Variants in BANF2 observed in about 807,000 individuals in gnomAD.
BANF2 encodes BANF family member 2.
A neutral mutation model predicts 8.0 loss-of-function variants in BANF2; 4 were observed. The ratio of observed to expected loss-of-function variants is 0.50; its 90% CI spans 0.25 to 1.14. The LOEUF (loss-of-function observed/expected upper bound fraction) is 1.14. BANF2 is among the 50% of genes most tolerant of loss of function. BANF2 has a pLI of 0.16. For missense variants in BANF2, 96 were observed against 107.5 expected (o/e 0.89, Z 0.47); for synonymous variants, 50 against 40.6 (o/e 1.23, Z -0.88).
In BANF2 at chr20:17,732,407, C is replaced by A. The variant is rs138283284; in HGVS notation, c.127-3258C>A. ...TTCGAGACAGAGTCTCACTCTGTTG[C>A]CCAGGCTGGAGTGCAGTGGCATAAT... On this transcript the variant is annotated intron_variant, in intron 3 of 3. Transcript: ENST00000246090. Among the ~76,000 whole-genome samples the A allele has an allele frequency of 1.5e-3, 232 of 152,356 alleles. 4 individuals are homozygous for A. Among genetic ancestry groups the A allele is most frequent in the African/African-American group, 5.3e-3 (221 of 41,602 alleles).
chr20:17,696,534 G>A (rs2037347276), upstream of BANF2, among the ~76,000 whole-genome samples: 1 of 152,094 alleles, frequency 6.6e-6, no homozygotes, highest in Non-Finnish European at 1.5e-5. Context: ...GTTTTAATTT[G>A]CATTTACCTT....
chr20:17,704,737 A>G (rs760015624), intron 1 of BANF2, among the ~76,000 whole-genome samples: 43 of 152,188 alleles, frequency 2.8e-4, no homozygotes, highest in Non-Finnish European at 4.9e-4. Flanking sequence ...CTAAACTCAA[A>G]CTAGTTAAAA....
intron 1 of BANF2, among the ~76,000 whole-genome samples, chr20:17,714,210 A>G (rs1568811994): frequency 1.3e-5 from 2 of 148,976 alleles, no homozygotes; most frequent in Non-Finnish European, 1.5e-5. Context: ...AAAAAAAAAA[A>G]AAAAGAAAGA....
chr20:17,720,890 C>G lies in BANF2; in HGVS notation c.-166-1826C>G, dbSNP rs112286513. ...GCTGGTGGAAGTGAGGTCTGTGGGC[C>G]AGCAGTGTCACATCTGCTTGGAGCT... is the stretch of plus-strand genomic sequence containing the variant. On this transcript the variant is annotated intron_variant, in intron 1 of 3. Coordinates refer to ENST00000246090, the MANE Select transcript of BANF2 (RefSeq NM_178477.5). 4.0e-3 allele frequency among the ~76,000 whole-genome samples: 612 copies of G among 152,278 alleles called. 4 individuals carry two copies. Among genetic ancestry groups the G allele is most frequent in the African/African-American group, 0.014 (581 of 41,556 alleles).
chr20:17,700,850 C>A (rs1246479591), intron 1 of BANF2, among the ~76,000 whole-genome samples: 1 of 152,214 alleles, frequency 6.6e-6, no homozygotes, highest in Non-Finnish European at 1.5e-5. Context: ...GCCTTCCCTA[C>A]CATGGCCCAT....
rs1405068814 is a variant in BANF2, at chr20:17,701,196, A to G, written c.-167+1141A>G. Among the ~76,000 whole-genome samples the G allele has an allele frequency of 3.3e-5, 5 of 152,168 alleles. No individual in the cohort carries two copies. The South Asian group carries it at 8.3e-4, about 25-fold the overall frequency. On this transcript the variant is annotated intron_variant, in intron 1 of 3. Coordinates refer to ENST00000246090, the MANE Select transcript of BANF2 (RefSeq NM_178477.5). ...TTTAGCCTATGTTAGGCCCCACTGG[A>G]AAAGGAAAAAAGACAGTAGAGGGGC...
chr20:17,711,961 CCCT>C (rs1360838566), intron 1 of BANF2, among the ~76,000 whole-genome samples: 7 of 152,154 alleles, frequency 4.6e-5, no homozygotes, highest in Admixed American at 1.3e-4. Context: ...ACTGCTCTGC[CCCT>C]CCTCCGTCCT....
intron 1 of BANF2, among the ~76,000 whole-genome samples, chr20:17,720,360 A>G (rs1278154464): frequency 6.6e-6 from 1 of 152,234 alleles, no homozygotes; most frequent in Non-Finnish European, 1.5e-5. Context: ...TGAAGAATAA[A>G]CAAAATGTGT....
chr20:17,706,463 C>T (rs560093731), intron 1 of BANF2, among the ~76,000 whole-genome samples: 4 of 152,284 alleles, frequency 2.6e-5, no homozygotes, highest in Non-Finnish European at 5.9e-5. Context: ...CTTCTCTTCG[C>T]CAAGTATATG....
intron 2 of BANF2, among the ~76,000 whole-genome samples, chr20:17,724,481 C>T (rs2037774726): frequency 6.6e-6 from 1 of 152,200 alleles, no homozygotes; most frequent in Admixed American, 6.5e-5. Context: ...GGAGGGAAAG[C>T]TGGACAATCC....
chr20:17,732,101 AT>A (rs980281307), intron 3 of BANF2, among the ~76,000 whole-genome samples: 27 of 152,180 alleles, frequency 1.8e-4, no homozygotes, highest in African/African-American at 5.3e-4. Flanking sequence ...TAATAAAAAA[AT>A]AAAAGAAATT....
intron 2 of BANF2, among the ~76,000 whole-genome samples, chr20:17,723,769 T>C (rs1411274223): frequency 6.6e-6 from 1 of 152,096 alleles, no homozygotes; most frequent in Non-Finnish European, 1.5e-5. Context: ...CCGAGGTGGG[T>C]GGATCACCTG....
chr20:17,708,700 G>C (rs549925672), intron 1 of BANF2, among the ~76,000 whole-genome samples: 1 of 151,918 alleles, frequency 6.6e-6, no homozygotes, highest in Admixed American at 6.6e-5. Context: ...TTTGCAACCC[G>C]TGATTTGAAC....
upstream of BANF2, among the ~76,000 whole-genome samples, chr20:17,698,529 A>T (rs2037369638): frequency 6.6e-6 from 1 of 152,264 alleles, no homozygotes; most frequent in African/African-American, 2.4e-5. Context: ...ACTCCAGGTT[A>T]TTCCACCTGA....
chr20:17,693,781 C>A, intron 1 of BANF2: 2 of 1,505,526 alleles, frequency 1.3e-6, no homozygotes, highest in East Asian at 2.5e-5. Context: ...GGACAAATCA[C>A]CTGGCTAGGA....
intron 1 of BANF2, among the ~76,000 whole-genome samples, chr20:17,710,046 C>T (rs2037546309): frequency 6.6e-6 from 1 of 152,228 alleles, no homozygotes; most frequent in African/African-American, 2.4e-5. Context: ...GGCTCCCTCC[C>T]ACTGGGGATG....
chr20:17,721,149 G>A lies in BANF2; in HGVS notation c.-166-1567G>A, dbSNP rs114560876. Among the ~76,000 whole-genome samples the A allele has an allele frequency of 4.7e-3, 718 of 152,160 alleles. 10 individuals are homozygous for A. Among genetic ancestry groups the A allele is most frequent in the African/African-American group, 0.017 (692 of 41,490 alleles). The stretch of plus-strand genomic sequence containing the variant: ...TTCCTTCCTTCTTACAGAAACTGAC[G>A]TTCTCTGAGTAGCCTCATGTTTCAG... On this transcript the variant is annotated intron_variant, in intron 1 of 3. Transcript: ENST00000246090.
intron 2 of BANF2, among the ~76,000 whole-genome samples, chr20:17,723,671 C>T (rs185071409): frequency 8.5e-5 from 13 of 152,278 alleles, no homozygotes; most frequent in South Asian, 2.1e-4. Flanking sequence ...GACATTCAAG[C>T]GGACAGCAGC....
At chr20:17,726,052 GTCC>G (rs2037805600) in intron 3 of BANF2, among the ~76,000 whole-genome samples, 1 of 152,208 alleles carries the variant, frequency 6.6e-6, no homozygotes, top group South Asian at 2.1e-4. Flanking sequence ...CCAGTTTAAT[GTCC>G]AGTAGATGGT....
Sources: gnomAD v4.1 joint callset for allele counts (sites outside exome capture counted in the v4.1 genomes callset) on GRCh38, gnomAD v4.1.1 for gene constraint, MANE v1.5 for transcripts, NCBI Gene and HGNC (gene_info 2026-07-23, HGNC 2026-07-21) for gene names.